GHR: variants seen among roughly 807,000 people sequenced by gnomAD.
GHR encodes the protein GH receptor.
In GHR, 35 loss-of-function variants were observed where a neutral mutation model predicts 67.1. The observed-to-expected ratio is 0.52, with a 90% CI of 0.40 to 0.69. The LOEUF is 0.69. Ranked by LOEUF, GHR falls within the 30% of genes least tolerant of loss-of-function variation. GHR has a pLI of 0.00. For synonymous variants in GHR, 272 were observed against 269.1 expected (o/e 1.01, Z -0.10); for missense variants, 792 against 764.6 (o/e 1.04, Z -0.42).
intron 2 of GHR, among the ~76,000 whole-genome samples, chr5:42,600,915 A>ATTTTTTTTTTTTTTT (rs1580026633): frequency 1.2e-5 from 1 of 86,140 alleles, no homozygotes; most frequent in East Asian, 3.3e-4. Context: ...TATTCTTTCT[A>ATTTTTTTTTTTTTTT]TTCTTTTTTT....
At chr5:42,687,668 A>T (rs1579610466) in intron 3 of GHR, among the ~76,000 whole-genome samples, 1 of 152,200 alleles carries the variant, frequency 6.6e-6, no homozygotes, top group East Asian at 1.9e-4. Flanking sequence ...TCAGGTATGT[A>T]ACCTGGAATT....
chr5:42,477,237 T>A (rs1329957124), intron 1 of GHR, among the ~76,000 whole-genome samples: 1 of 152,144 alleles, frequency 6.6e-6, no homozygotes, highest in Non-Finnish European at 1.5e-5. Context: ...CTGCATAGTA[T>A]TCCATGGTGT....
chr5:42,660,346 C>T (rs1034730083), intron 3 of GHR, among the ~76,000 whole-genome samples: 1 of 152,150 alleles, frequency 6.6e-6, no homozygotes, highest in African/African-American at 2.4e-5. Flanking sequence ...AGCAGCCTAA[C>T]TGGGAGACAC....
chr5:42,434,957 G>A (rs1472838785), intron 1 of GHR, among the ~76,000 whole-genome samples: 2 of 152,080 alleles, frequency 1.3e-5, no homozygotes, highest in East Asian at 3.9e-4. Context: ...TACTATCTTT[G>A]TGACTCTCAG....
chr5:42,712,710 CT>C (rs1445156258), intron 7 of GHR, among the ~76,000 whole-genome samples: 1 of 152,006 alleles, frequency 6.6e-6, no homozygotes, highest in African/African-American at 2.4e-5. Flanking sequence ...TGCAAAGTAG[CT>C]GGCAGGTACT....
chr5:42,689,442 G>A (rs527900484), intron 4 of GHR, among the ~76,000 whole-genome samples: 44 of 152,162 alleles, frequency 2.9e-4, no homozygotes, highest in Non-Finnish European at 5.0e-4. Context: ...ATACACGTGG[G>A]CATGTGCATG....
At position 42,628,591 on chromosome 5, in the gene GHR, G is replaced by A. The variant is rs571555537; in HGVS notation, c.71-447G>A. ...TGGTTCAGAGATTCTTTAATCTGCA[G>A]TTGGTTAAAGGAACAAAACTGTACA... is the stretch of plus-strand genomic sequence containing the variant. On this transcript the variant is annotated intron_variant, in intron 2 of 9. Transcript: ENST00000230882. 2.3e-3 allele frequency among the ~76,000 whole-genome samples: 304 copies of A among 132,058 alleles called. 89 individuals carry two copies. The highest frequency in any genetic ancestry group is 9.5e-3 in the African/African-American group (297 of 31,332). The allele number at this position is 132,058 out of a possible 152,430, so 86.6% of individuals were successfully genotyped here.
chr5:42,679,525 T>C lies in GHR; in HGVS notation c.137-9365T>C, dbSNP rs575317444. Among the ~76,000 whole-genome samples the C allele has an allele frequency of 7.9e-5, 12 of 151,868 alleles. No homozygotes were observed. In the East Asian group the frequency reaches 2.1e-3, roughly 27 times the overall value. Reference sequence around the variant, plus strand: ...CTGTAGTCCCAGCTATGCAGGAGGCTGAGGCAGGAGAATCACTTGAACCCA... The same window carrying C: ...CTGTAGTCCCAGCTATGCAGGAGGCCGAGGCAGGAGAATCACTTGAACCCA... On this transcript the variant is annotated intron_variant, in intron 3 of 9. Transcript: ENST00000230882.
chr5:42,546,213 G>GA (rs1273525351), intron 1 of GHR, among the ~76,000 whole-genome samples: 2 of 152,164 alleles, frequency 1.3e-5, no homozygotes, highest in Admixed American at 1.3e-4. Context: ...AAAATGAGGT[G>GA]AAAAAATCTT....
intron 2 of GHR, among the ~76,000 whole-genome samples, chr5:42,621,217 G>A (rs1163604060): frequency 6.6e-6 from 1 of 152,000 alleles, no homozygotes; most frequent in Non-Finnish European, 1.5e-5. Flanking sequence ...GGAATTACTG[G>A]GAAGCTTTGC....
intron 3 of GHR, among the ~76,000 whole-genome samples, chr5:42,662,501 G>A (rs1211265097): frequency 6.6e-6 from 1 of 152,180 alleles, no homozygotes; most frequent in Non-Finnish European, 1.5e-5. Flanking sequence ...GGTCCTGAAT[G>A]ACTACTGGGT....
At chr5:42,541,477 G>T (rs965848750) in intron 1 of GHR, among the ~76,000 whole-genome samples, 3 of 152,020 alleles carry the variant, frequency 2.0e-5, no homozygotes, top group African/African-American at 7.2e-5. Context: ...TGAGAGTGGG[G>T]TTGGGAAAAA....
At position 42,718,764 on chromosome 5, in the gene GHR, G is replaced by A; in HGVS notation, c.1257G>A (p.Gly419=). 1 of 1,614,096 alleles carries A rather than the reference G, an allele frequency of 6.2e-7. No individual in the cohort carries two copies. Among genetic ancestry groups the A allele is most frequent in the Non-Finnish European group, 8.5e-7 (1 of 1,180,006 alleles). Reference sequence around the variant, plus strand: ...TTGCTCAGCCACAGAGGTTAAAAGGGGAAGCAGATCTCTTATGCCTTGACC... The same window carrying A: ...TTGCTCAGCCACAGAGGTTAAAAGGAGAAGCAGATCTCTTATGCCTTGACC... ...SEVAQPQRLK[G]EADLLCLDQK... The change falls in exon 10 of 10, where the codon GGG becomes GGA. Residue 419 remains glycine (G), a synonymous_variant. Transcript: ENST00000230882.
chr5:42,485,444 T>C (rs1664910886), intron 1 of GHR, among the ~76,000 whole-genome samples: 1 of 152,208 alleles, frequency 6.6e-6, no homozygotes, highest in African/African-American at 2.4e-5. Flanking sequence ...ACTTACTTGT[T>C]TTTCCCCCTT....
At chr5:42,468,323 T>C in intron 1 of GHR, 1 of 1,564,730 alleles carries the variant, frequency 6.4e-7, no homozygotes, top group Admixed American at 1.7e-5. Context: ...TCTGCAGTCA[T>C]CTTCTCTGCT....
intron 1 of GHR, among the ~76,000 whole-genome samples, chr5:42,506,099 T>A (rs533813218): frequency 1.3e-5 from 2 of 152,336 alleles, no homozygotes; most frequent in South Asian, 4.1e-4. Context: ...GGTGTGTTCT[T>A]GACATTATGT....
Position 42,468,513 on chromosome 5 carries a change from G to A in GHR, c.-12+44558G>A, listed in dbSNP as rs114486763. On this transcript the variant is annotated intron_variant, in intron 1 of 9. Coordinates refer to ENST00000230882, the MANE Select transcript of GHR (RefSeq NM_000163.5). ...TCTGCAGCAGGAGGCTGGGGGACCAGGACCTCAGCTCCTACTGGCACGAGA... is the reference window on the plus strand; with the variant it reads ...TCTGCAGCAGGAGGCTGGGGGACCAAGACCTCAGCTCCTACTGGCACGAGA... 2.5e-3 allele frequency: 1,982 copies of A among 785,406 alleles called. 23 individuals are homozygous for A. In the African/African-American group the frequency reaches 0.031, roughly 12 times the overall value. 48.7% of individuals were successfully genotyped at this position (785,406 alleles called of 1,614,324 possible).
At chr5:42,582,300 G>A (rs1441633037) in intron 2 of GHR, among the ~76,000 whole-genome samples, 1 of 152,232 alleles carries the variant, frequency 6.6e-6, no homozygotes, top group African/African-American at 2.4e-5. Flanking sequence ...AGTTCCAGGT[G>A]GAGTCCTTGG....
chr5:42,556,929 A>C (rs1749342474), intron 1 of GHR, among the ~76,000 whole-genome samples: 1 of 152,196 alleles, frequency 6.6e-6, no homozygotes, highest in East Asian at 1.9e-4. Flanking sequence ...AAAGGAAGAG[A>C]CAGAGACTCA....
Sources: allele counts gnomAD v4.1 joint callset (sites outside exome capture counted in the v4.1 genomes callset), GRCh38; gene constraint gnomAD v4.1.1; transcripts MANE v1.5; gene names NCBI Gene and HGNC (gene_info 2026-07-23, HGNC 2026-07-21).